ACSL6: variants seen among roughly 807,000 people sequenced by gnomAD.
ACSL6 encodes acyl-CoA synthetase long chain family member 6.
Under a neutral mutation model 98.2 loss-of-function variants are expected in ACSL6, and 47 were observed. That is an observed-to-expected ratio of 0.48 (90% confidence interval 0.38 to 0.61). The LOEUF (loss-of-function observed/expected upper bound fraction) is 0.61, where lower values mean the gene tolerates loss of function less well. Ranked by LOEUF, ACSL6 falls within the 20% of genes least tolerant of loss-of-function variation. The pLI, the probability that ACSL6 is intolerant of heterozygous loss-of-function variation, is 0.00. For missense variants in ACSL6, 761 were observed against 913.4 expected (o/e 0.83, Z 2.15); for synonymous variants, 362 against 336.9 (o/e 1.07, Z -0.82).
chr5:131,999,591 C>G (rs543384208), intron 1 of ACSL6: 1 of 152,384 alleles, frequency 6.6e-6, no homozygotes, highest in South Asian at 2.1e-4. Context: ...TGGCAACAGC[C>G]GCCTGCTCTG....
chr5:131,994,550 C>A lies in ACSL6; in HGVS notation c.50-299G>T. The A allele has an allele frequency of 4.9e-6, 2 of 409,360 alleles. 1 individual carries two copies. The highest frequency in any genetic ancestry group is 4.7e-5 in the South Asian group (2 of 42,470). The allele number at this position is 409,360 out of a possible 1,614,324, so 25.4% of individuals were successfully genotyped here. The stretch of plus-strand genomic sequence containing the variant: ...TTCCATATTTTCCAGGGCCACTGCT[C>A]TGGCAGCTCTGGGAATGATGCTTCC... On this transcript the variant is annotated intron_variant, in intron 1 of 20. Transcript: ENST00000651883.
At position 131,975,049 on chromosome 5, in the gene ACSL6, G is replaced by A. The variant is rs536985234; in HGVS notation, c.991-79C>T. 1.7e-5 allele frequency: 26 copies of A among 1,538,288 alleles called. No homozygotes were observed. In the East Asian group the frequency reaches 5.3e-4, roughly 32 times the overall value. The stretch of plus-strand genomic sequence containing the variant: ...GACAAGAGAATCATAAAACAATAAA[G>A]AGAAAATGGTCCTGGAGGGTAAACA... On this transcript the variant is annotated intron_variant, in intron 10 of 20. Coordinates refer to ENST00000651883, the MANE Select transcript of ACSL6 (RefSeq NM_001009185.3).
intron 9 of ACSL6, 53 bp downstream of exon 9, chr5:131,985,354 A>G (rs931926484): frequency 4.3e-6 from 7 of 1,610,416 alleles, no homozygotes; most frequent in Non-Finnish European, 5.9e-6. Context: ...CTGCTAGGCC[A>G]CCAGGGAAGG....
At chr5:132,004,166 G>T (rs548173115) in intron 1 of ACSL6, among the ~76,000 whole-genome samples, 2 of 152,012 alleles carry the variant, frequency 1.3e-5, no homozygotes, top group Non-Finnish European at 2.9e-5. Flanking sequence ...CTAGCTTCCA[G>T]GGCTGGGGCT....
chr5:131,961,892 G>T (rs1752728736), intron 18 of ACSL6, among the ~76,000 whole-genome samples: 1 of 151,988 alleles, frequency 6.6e-6, no homozygotes, highest in Non-Finnish European at 1.5e-5. Flanking sequence ...ATCAAAACAG[G>T]CCAGGTGTGA....
At chr5:132,008,352 A>C (rs1755526379) in intron 1 of ACSL6, among the ~76,000 whole-genome samples, 1 of 152,222 alleles carries the variant, frequency 6.6e-6, no homozygotes, top group Non-Finnish European at 1.5e-5. Flanking sequence ...AGGCATCTAT[A>C]GCCAGGAGCA....
intron 7 of ACSL6, among the ~76,000 whole-genome samples, chr5:131,987,413 G>C (rs573906896): frequency 6.6e-6 from 1 of 152,310 alleles, no homozygotes; most frequent in South Asian, 2.1e-4. Context: ...GCCAGTGCCA[G>C]GGAGGGGTAC....
At chr5:131,963,558 A>G (rs777455036) in intron 17 of ACSL6, among the ~76,000 whole-genome samples, 1 of 152,096 alleles carries the variant, frequency 6.6e-6, no homozygotes, top group African/African-American at 2.4e-5. Flanking sequence ...CTCACGACCA[A>G]GCTTCTCAAG....
In ACSL6 at chr5:131,988,062, T is replaced by A. The variant is rs1017687759; in HGVS notation, c.817A>T (p.Met273Leu). Residue 273 changes from methionine to leucine, a missense_variant, in exon 7 of 21, where the codon ATG becomes TTG. Coordinates refer to ENST00000651883, the MANE Select transcript of ACSL6 (RefSeq NM_001009185.3). ...GQKCGVVIKS[M>L]QAVEDCGQEN... is the part of the protein sequence containing the mutation. ...CAGACCCTCACCTCCACGGCCTGCA[T>A]GGACTTAATGACCACCCCGCACTTC... 2.5e-6 allele frequency: 4 copies of A among 1,614,108 alleles called. No homozygotes were observed. Among genetic ancestry groups the A allele is most frequent in the African/African-American group, 2.7e-5 (2 of 75,060 alleles).
chr5:131,989,042 C>T, intron 5 of ACSL6, 138 bp from the exon 6 acceptor site: 1 of 729,520 alleles, frequency 1.4e-6, no homozygotes, highest in African/African-American at 1.7e-5. Flanking sequence ...TGGGTTGTGT[C>T]TGCTCACCCA....
At chr5:131,969,305 A>G (rs1372826647) in intron 15 of ACSL6, among the ~76,000 whole-genome samples, 1 of 152,266 alleles carries the variant, frequency 6.6e-6, no homozygotes, top group Non-Finnish European at 1.5e-5. Flanking sequence ...AACTGAAATC[A>G]TATTTGGCCA....
chr5:131,976,822 C>T, intron 9 of ACSL6, 101 bp from the exon 10 acceptor site: 6 of 951,056 alleles, frequency 6.3e-6, no homozygotes, highest in South Asian at 5.4e-5. Flanking sequence ...TGCTGTCTAC[C>T]CAAGCCTCTG....
rs1044820673 is a variant in ACSL6 at position 131,999,171 on chromosome 5, G to T, written c.50-4920C>A. 1.0e-3 allele frequency among the ~76,000 whole-genome samples: 157 copies of T among 152,260 alleles called. 1 individual carries two copies. The highest frequency in any genetic ancestry group is 3.6e-3 in the African/African-American group (150 of 41,532). The stretch of plus-strand genomic sequence containing the variant: ...CCAAAGTGGGTATTCTGGGTATTCC[G>T]GTGCTGAACTGACCTGGGTCCAAAT... On this transcript the variant is annotated intron_variant, in intron 1 of 20. Coordinates refer to ENST00000651883, the MANE Select transcript of ACSL6 (RefSeq NM_001009185.3).
intron 1 of ACSL6, among the ~76,000 whole-genome samples, chr5:132,001,434 G>A (rs76333420): frequency 0.013 from 1,921 of 152,182 alleles, 40 homozygotes; most frequent in African/African-American, 0.044. Flanking sequence ...TTTCCTCTTG[G>A]GTTTTAATTA....
intron 1 of ACSL6, among the ~76,000 whole-genome samples, chr5:131,999,041 C>A (rs1397040866): frequency 6.6e-6 from 1 of 152,158 alleles, no homozygotes; most frequent in African/African-American, 2.4e-5. Context: ...GCCCAGCCAC[C>A]AAATCATCAA....
In ACSL6 at chr5:131,972,728, A is replaced by G; in HGVS notation, c.1334T>C (p.Ile445Thr). Reference sequence around the variant, plus strand: ...ATCACTTGTTCATTTTCTTACCTGAATCTTATTAAAGAAGAGTTCATCCCA... The same window carrying G: ...ATCACTTGTTCATTTTCTTACCTGAGTCTTATTAAAGAAGAGTTCATCCCA... ...SIWDELFFNK[I>T]QASLGGCVRM... The change falls in exon 13 of 21, where the codon ATT becomes ACT. Residue 445 changes from isoleucine to threonine, a missense_variant. Coordinates refer to ENST00000651883, the MANE Select transcript of ACSL6 (RefSeq NM_001009185.3). 1 of 1,614,084 alleles carries G rather than the reference A, an allele frequency of 6.2e-7. No individual in the cohort carries two copies. Among genetic ancestry groups the G allele is most frequent in the Non-Finnish European group, 8.5e-7 (1 of 1,180,014 alleles).
chr5:132,000,756 C>T (rs1755044665), intron 1 of ACSL6, among the ~76,000 whole-genome samples: 1 of 152,208 alleles, frequency 6.6e-6, no homozygotes, highest in Admixed American at 6.5e-5. Context: ...TACGAGTCTG[C>T]CTGCACTGGG....
intron 1 of ACSL6, among the ~76,000 whole-genome samples, chr5:131,997,951 A>C (rs1754877361): frequency 6.6e-6 from 1 of 152,222 alleles, no homozygotes; most frequent in African/African-American, 2.4e-5. Context: ...TCCCCTGAGG[A>C]CATGGGCCTC....
intron 13 of ACSL6, among the ~76,000 whole-genome samples, chr5:131,972,505 T>C (rs1753366256): frequency 6.6e-6 from 1 of 152,012 alleles, no homozygotes; most frequent in Non-Finnish European, 1.5e-5. Flanking sequence ...CTATCCATAG[T>C]AGGTTTTCTT....
Sources: gnomAD v4.1 joint callset for allele counts (sites outside exome capture counted in the v4.1 genomes callset) on GRCh38, gnomAD v4.1.1 for gene constraint, MANE v1.5 for transcripts, NCBI Gene and HGNC (gene_info 2026-07-23, HGNC 2026-07-21) for gene names.